CERS5: variants seen among roughly 807,000 people sequenced by gnomAD.
CERS5 encodes the protein LAG1 homolog, ceramide synthase 5.
CERS5 carries 37 observed loss-of-function variants against 58.9 expected under a neutral mutation model. The observed-to-expected ratio is 0.63, with a 90% CI of 0.48 to 0.83. The LOEUF (loss-of-function observed/expected upper bound fraction) is 0.83. Ranked by LOEUF, CERS5 falls within the 40% of genes least tolerant of loss-of-function variation. CERS5 has a pLI of 0.00. For synonymous variants in CERS5, 147 were observed against 177.8 expected, an observed-to-expected ratio of 0.83 and a Z score of 1.38; for missense variants, 398 against 489.3, an observed-to-expected ratio of 0.81 and a Z score of 1.76.
chr12:50,160,314 A>G (rs1443417548), intron 1 of CERS5, among the ~76,000 whole-genome samples: 1 of 151,558 alleles, frequency 6.6e-6, no homozygotes, highest in Non-Finnish European at 1.5e-5. Flanking sequence ...CAAAAAAAAA[A>G]AAAAGAAAAA....
At chr12:50,137,876 T>G in intron 5 of CERS5, 56 bp from the exon 6 acceptor site, 1 of 1,126,844 alleles carries the variant, frequency 8.9e-7, no homozygotes, top group South Asian at 1.3e-5. Flanking sequence ...GCATTCCATC[T>G]CTCCAACTTT....
At position 50,143,115 on chromosome 12, in the gene CERS5, A is replaced by T. The variant is rs756002736; in HGVS notation, c.393T>A (p.Asn131Lys). 3.7e-6 allele frequency: 6 copies of T among 1,613,680 alleles called. No homozygotes were observed. Among genetic ancestry groups the T allele is most frequent in the Non-Finnish European group, 5.1e-6 (6 of 1,179,880 alleles). Residue 131 changes from asparagine to lysine, a missense_variant, in exon 3 of 10, where the codon AAT (asparagine) becomes AAA (lysine). Coordinates refer to ENST00000317551, the MANE Select transcript of CERS5 (RefSeq NM_147190.5). ...KIQCWFRHRR[N>K]QDKPPTLTKF... ...TAGTAAGCGTTGGGGGCTTGTCCTG[A>T]TTCCTCCGATGGCGAAACCAGCATT... is the stretch of plus-strand genomic sequence containing the variant.
At chr12:50,133,030 A>G (rs1363920110) in intron 9 of CERS5, 3 of 1,288,964 alleles carry the variant, frequency 2.3e-6, no homozygotes, top group Admixed American at 4.6e-5. Flanking sequence ...GAAAGAGTGG[A>G]GAGTACAGGG....
At position 50,161,784 on chromosome 12, in the gene CERS5, G is replaced by GAAAA. The variant is rs374177550; in HGVS notation, c.197+5313_197+5316dup. ...AGAGTGAGACTCCGTCTCAAAAAAAGAAAAAAAAAAAAAAAAGCAAAGTTC... is the reference window on the plus strand; with the variant it reads ...AGAGTGAGACTCCGTCTCAAAAAAAGAAAAAAAAAAAAAAAAAAAAGCAAAGTTC... On this transcript the variant is annotated intron_variant, in intron 1 of 9. Coordinates refer to ENST00000317551, the MANE Select transcript of CERS5 (RefSeq NM_147190.5). Among the ~76,000 whole-genome samples, 16 of 90,898 alleles carry GAAAA rather than the reference G, an allele frequency of 1.8e-4. 2 individuals are homozygous for GAAAA. Among genetic ancestry groups the GAAAA allele is most frequent in the African/African-American group, 6.9e-4 (15 of 21,686 alleles). The allele number at this position is 90,898 out of a possible 152,430, so 59.6% of individuals were successfully genotyped here.
intron 1 of CERS5, among the ~76,000 whole-genome samples, chr12:50,155,725 AGACTC>A (rs1938502444): frequency 9.0e-6 from 1 of 110,546 alleles, no homozygotes. Context: ...CGACAGAGCG[AGACTC>A]CATCTCAAAA....
At chr12:50,147,766 G>A (rs1015867738) in intron 1 of CERS5, among the ~76,000 whole-genome samples, 9 of 152,116 alleles carry the variant, frequency 5.9e-5, no homozygotes, top group East Asian at 3.9e-4. Context: ...TTCATAAAAC[G>A]TAATGAGTTC....
chr12:50,160,092 G>C (rs1939103971), intron 1 of CERS5, among the ~76,000 whole-genome samples: 1 of 151,518 alleles, frequency 6.6e-6, no homozygotes, highest in Admixed American at 6.6e-5. Context: ...ATCACCTGAG[G>C]TCAGGAGTTC....
chr12:50,146,142 T>TA (rs967827332), intron 1 of CERS5, among the ~76,000 whole-genome samples: 6 of 152,168 alleles, frequency 3.9e-5, no homozygotes, highest in African/African-American at 1.2e-4. Flanking sequence ...GATCTGCAGT[T>TA]AGACAGATTT....
At chr12:50,143,590 CA>C in intron 2 of CERS5, 1 of 246,656 alleles carries the variant, frequency 4.1e-6, no homozygotes, top group Non-Finnish European at 7.8e-6. Context: ...CTCCAAAAAA[CA>C]AAAAACCCAA....
chr12:50,138,582 A>AT lies in CERS5; in HGVS notation c.527dup (p.His176GlnfsTer2). On this transcript the variant is annotated frameshift_variant, in exon 5 of 10. Coordinates refer to ENST00000317551, the MANE Select transcript of CERS5 (RefSeq NM_147190.5). LOFTEE classifies it high-confidence loss of function. ...CAGATCCTACCTGAAATGGATAGTT[A>AT]TGCCAGCACTGTCGGATGTCCCAGA... 1.9e-6 allele frequency: 3 copies of AT among 1,613,860 alleles called. No individual in the cohort carries two copies. Among genetic ancestry groups the AT allele is most frequent in the Non-Finnish European group, 2.5e-6 (3 of 1,179,786 alleles).
chr12:50,163,184 CACCAT>C (rs1319396799), intron 1 of CERS5, among the ~76,000 whole-genome samples: 1 of 152,020 alleles, frequency 6.6e-6, no homozygotes, highest in Non-Finnish European at 1.5e-5. Context: ...AGGTGTGAGC[CACCAT>C]GCCAGGCCCC....
intron 4 of CERS5, among the ~76,000 whole-genome samples, chr12:50,140,826 T>C (rs1445136566): frequency 4.0e-5 from 6 of 149,402 alleles, no homozygotes; most frequent in Admixed American, 2.7e-4. Flanking sequence ...TCATATCTTT[T>C]ACACCCTTAG....
intron 1 of CERS5, among the ~76,000 whole-genome samples, chr12:50,156,437 T>TATATATATATATATATATATATATATA (rs1197474516): frequency 1.8e-5 from 2 of 108,850 alleles, no homozygotes; most frequent in Non-Finnish European, 4.1e-5. Flanking sequence ...TATATATATA[T>TATATATATATATATATATATATATATA]AAAACAATTA....
chr12:50,136,194 C>T (rs778463830), intron 6 of CERS5, 125 bp from the exon 7 acceptor site: 44 of 826,362 alleles, frequency 5.3e-5, no homozygotes, highest in Middle Eastern at 3.9e-4. Context: ...TTCCATTGGC[C>T]GGGCGAGGTG....
chr12:50,138,664 G>A, intron 4 of CERS5, 47 bp from the exon 5 acceptor site: 1 of 1,521,924 alleles, frequency 6.6e-7, no homozygotes, highest in Non-Finnish European at 9.1e-7. Flanking sequence ...ATTCTCACCT[G>A]GCTTCAAGAT....
chr12:50,135,274 GGAGA>G (rs374654925), intron 8 of CERS5: 7 of 229,460 alleles, frequency 3.1e-5, no homozygotes, highest in Admixed American at 1.6e-4. Flanking sequence ...GGGGAGGGAG[GGAGA>G]GAGAGGAGAG....
intron 1 of CERS5, among the ~76,000 whole-genome samples, chr12:50,145,341 A>G (rs1012953032): frequency 6.6e-6 from 1 of 152,028 alleles, no homozygotes; most frequent in Non-Finnish European, 1.5e-5. Flanking sequence ...GTAATCAGAG[A>G]TTTTTAAGAA....
chr12:50,134,783 G>A (rs1273106953), intron 8 of CERS5, 81 bp from the exon 9 acceptor site: 1 of 1,325,396 alleles, frequency 7.5e-7, no homozygotes, highest in East Asian at 2.3e-5. Context: ...GGGATGCAGA[G>A]CCCTGTGTGT....
intron 1 of CERS5, among the ~76,000 whole-genome samples, chr12:50,145,799 T>G (rs1004117950): frequency 6.6e-6 from 1 of 152,216 alleles, no homozygotes; most frequent in Non-Finnish European, 1.5e-5. Context: ...TAAACACAAA[T>G]AGACTGCTTT....
Sources: gnomAD v4.1 joint callset for allele counts (sites outside exome capture counted in the v4.1 genomes callset) on GRCh38, gnomAD v4.1.1 for gene constraint, MANE v1.5 for transcripts, NCBI Gene and HGNC (gene_info 2026-07-23, HGNC 2026-07-21) for gene names.